The following TACC2 variants were observed in gnomAD, a reference collection of about 807,000 sequenced individuals.
TACC2 encodes the protein transforming acidic coiled-coil containing protein 2, also known as transforming acidic coiled-coil-containing protein 2.
A neutral mutation model predicts 227.3 loss-of-function variants in TACC2; 137 were observed. That is an observed-to-expected ratio of 0.60 (90% CI 0.52 to 0.69). TACC2 has a LOEUF of 0.69. TACC2 is among the 30% of genes least tolerant of loss of function. The probability of loss-of-function intolerance (pLI) is 0.00; values close to 1 mark genes in which losing one functional copy is unlikely to be tolerated. For synonymous variants in TACC2, 1,523 were observed against 1,487.5 expected (o/e 1.02, Z -0.55); for missense variants, 3,470 against 3,694.4 (o/e 0.94, Z 1.57).
At chr10:122,012,056 G>A (rs1251671020) in intron 1 of TACC2, among the ~76,000 whole-genome samples, 2 of 151,876 alleles carry the variant, frequency 1.3e-5, no homozygotes, top group Non-Finnish European at 2.9e-5. Flanking sequence ...TCCCGCTTCC[G>A]CCTCCCAAGT....
intron 2 of TACC2, among the ~76,000 whole-genome samples, chr10:122,049,430 G>A (rs968102732): frequency 6.6e-6 from 1 of 152,174 alleles, no homozygotes; most frequent in African/African-American, 2.4e-5. Context: ...AGAAGGTCCT[G>A]GCTTGACCGG....
chr10:122,109,417 G>A (rs1015159483), intron 5 of TACC2, among the ~76,000 whole-genome samples: 3 of 152,108 alleles, frequency 2.0e-5, no homozygotes, highest in African/African-American at 4.8e-5. Context: ...CAGAATGCCC[G>A]GGAGCCAGGC....
intron 19 of TACC2, chr10:122,248,438 G>A (rs1227926131): frequency 6.6e-6 from 4 of 607,860 alleles, no homozygotes; most frequent in Admixed American, 3.0e-5. Context: ...GCACAGGCCC[G>A]GGTCTGGGAA....
chr10:122,005,807 C>T (rs1955048820), intron 1 of TACC2, among the ~76,000 whole-genome samples: 1 of 151,702 alleles, frequency 6.6e-6, no homozygotes, highest in Non-Finnish European at 1.5e-5. Context: ...AATTCTCCTG[C>T]CTCAGCCTCC....
At chr10:122,018,566 C>A (rs1217497508) in intron 1 of TACC2, among the ~76,000 whole-genome samples, 2 of 152,160 alleles carry the variant, frequency 1.3e-5, no homozygotes, top group African/African-American at 4.8e-5. Context: ...CAGCCCCTGA[C>A]AACAACCAGT....
chr10:122,120,965 C>T (rs2085659229), intron 5 of TACC2, among the ~76,000 whole-genome samples: 1 of 152,134 alleles, frequency 6.6e-6, no homozygotes, highest in South Asian at 2.1e-4. Flanking sequence ...GGGGTTTCGC[C>T]TTGTTGGCCA....
rs1194666228 is a variant in TACC2, at chr10:122,226,415, C to G, written c.7658C>G (p.Thr2553Ser). Residue 2553 changes from threonine (T) to serine (S), a missense_variant, in exon 13 of 23, where the codon ACT becomes AGT. Thr to Ser is a moderately conservative substitution (Grantham distance 58). This residue lies in a region of TACC2 where 345 missense variants were observed against 354.4 expected (regional missense o/e 0.97). Coordinates refer to ENST00000369005, the MANE Select transcript of TACC2 (RefSeq NM_206862.4). ...KKQALYLMFD[T>S]SQESPVKSSP... ...CAGGCCTTGTACCTTATGTTTGACA[C>G]TTCTCAGGAGAGCCCTGTCAAGTCA... is the stretch of plus-strand genomic sequence containing the variant. The G allele has an allele frequency of 1.2e-6, 2 of 1,614,138 alleles. No individual in the cohort carries two copies. The highest frequency in any genetic ancestry group is 2.2e-5 in the South Asian group (2 of 91,068).
chr10:122,152,239 A>T (rs1474560209), intron 7 of TACC2, among the ~76,000 whole-genome samples: 2 of 152,216 alleles, frequency 1.3e-5, no homozygotes, highest in African/African-American at 2.4e-5. Context: ...GCTTTGCAGA[A>T]AGAATTACAG....
At chr10:122,114,683 G>T (rs940469867) in intron 5 of TACC2, among the ~76,000 whole-genome samples, 1 of 152,194 alleles carries the variant, frequency 6.6e-6, no homozygotes, top group African/African-American at 2.4e-5. Context: ...AGAGTCACTA[G>T]TCTCTCATCA....
chr10:122,019,300 G>A lies in TACC2; in HGVS notation c.-45-2637G>A, dbSNP rs370331894. On this transcript the variant is annotated intron_variant, in intron 1 of 22. Transcript: ENST00000369005. ...CTCCATAAACAGGTGCCAGACTGCC[G>A]CGTCATCACATTTTTGCAAGTTTTT... Among the ~76,000 whole-genome samples the A allele has an allele frequency of 3.9e-5, 6 of 152,342 alleles. No homozygotes were observed. In the East Asian group the frequency reaches 1.2e-3, roughly 29 times the overall value.
At chr10:122,195,388 G>T (rs1453784351) in intron 8 of TACC2, among the ~76,000 whole-genome samples, 1 of 144,868 alleles carries the variant, frequency 6.9e-6, no homozygotes, top group Admixed American at 6.7e-5. Context: ...CAGAATTTTA[G>T]GGGGGGCCTC....
At chr10:122,049,267 G>C (rs2075400470) in intron 2 of TACC2, among the ~76,000 whole-genome samples, 1 of 152,208 alleles carries the variant, frequency 6.6e-6, no homozygotes, top group Non-Finnish European at 1.5e-5. Context: ...CCCTCTGCCT[G>C]GCATCTCGGC....
rs2095687091 is a variant in TACC2, at chr10:122,229,225, C to T, written c.7897-121C>T. 5 of 1,111,538 alleles carry T rather than the reference C, an allele frequency of 4.5e-6. No individual in the cohort carries two copies. In the African/African-American group the frequency reaches 4.7e-5, roughly 10 times the overall value. The allele number at this position is 1,111,538 out of a possible 1,614,324, so 68.9% of individuals were successfully genotyped here. On this transcript the variant is annotated intron_variant, in intron 14 of 22. Coordinates refer to ENST00000369005, the MANE Select transcript of TACC2 (RefSeq NM_206862.4). ...CACAAGTAATGGCAGCTAATTGATA[C>T]TCTCTTTAGCCTCAAGGCAAAAATG...
At chr10:122,149,134 C>T (rs150423302) in intron 7 of TACC2, among the ~76,000 whole-genome samples, 2 of 152,344 alleles carry the variant, frequency 1.3e-5, no homozygotes, top group African/African-American at 4.8e-5. Context: ...ACCAAGGCAG[C>T]CACAGCTGAC....
chr10:122,123,558 A>C (rs989097938), intron 5 of TACC2, among the ~76,000 whole-genome samples: 2 of 152,198 alleles, frequency 1.3e-5, no homozygotes, highest in Non-Finnish European at 2.9e-5. Context: ...TGTGTTCCGC[A>C]TGTCGTGGTG....
Position 122,084,437 on chromosome 10 carries a change from G to A in TACC2, c.1937G>A (p.Gly646Glu), listed in dbSNP as rs1393224247. The A allele has an allele frequency of 1.9e-6, 3 of 1,612,680 alleles. No homozygotes were observed. Among genetic ancestry groups the A allele is most frequent in the Non-Finnish European group, 2.5e-6 (3 of 1,180,026 alleles). ...AAGGGGGGTGCTGGGCACACGGACG[G>A]GCCCCACTCTCAGACAGCAGAGGCT... ...PRKGGAGHTDGPHSQTAEADA... is the reference protein window; with the variant it reads ...PRKGGAGHTDEPHSQTAEADA... Residue 646 changes from glycine to glutamate, a missense_variant, in exon 4 of 23, where the codon GGG (glycine) becomes GAG (glutamate). By Grantham distance (98) the Gly-to-Glu change is moderately conservative. Coordinates refer to ENST00000369005, the MANE Select transcript of TACC2 (RefSeq NM_206862.4).
intron 1 of TACC2, among the ~76,000 whole-genome samples, chr10:122,008,496 G>A (rs1955528185): frequency 6.6e-6 from 1 of 151,920 alleles, no homozygotes; most frequent in South Asian, 2.1e-4. Context: ...CCGACCTCAG[G>A]TGATCTGCCC....
chr10:122,167,674 ACT>A (rs2093252161), intron 7 of TACC2, among the ~76,000 whole-genome samples: 1 of 151,910 alleles, frequency 6.6e-6, no homozygotes, highest in Admixed American at 6.6e-5. Flanking sequence ...AAATCCGATG[ACT>A]CTGATCCTGC....
intron 1 of TACC2, among the ~76,000 whole-genome samples, chr10:122,020,477 C>T (rs74646764): frequency 0.011 from 1,698 of 152,292 alleles, 28 homozygotes; most frequent in African/African-American, 0.039. Flanking sequence ...GTTTGAACCA[C>T]TTCCATTTTA....
Sources: allele counts gnomAD v4.1 joint callset (sites outside exome capture counted in the v4.1 genomes callset), GRCh38; gene constraint gnomAD v4.1.1; regional missense constraint gnomAD v4.1.1; transcripts MANE v1.5; gene names NCBI Gene and HGNC (gene_info 2026-07-23, HGNC 2026-07-21).